RERE: variants seen among roughly 807,000 people sequenced by gnomAD.
RERE encodes arginine-glutamic acid dipeptide repeats, also known as arginine-glutamic acid dipeptide repeats protein.
A neutral mutation model predicts 146.1 loss-of-function variants in RERE; 40 were observed. That is an observed-to-expected ratio of 0.27 (90% CI 0.21 to 0.36). The LOEUF (loss-of-function observed/expected upper bound fraction) is 0.36, where lower values mean the gene tolerates loss of function less well. RERE is among the 10% of genes least tolerant of loss of function. RERE has a pLI of 1.00. For synonymous variants in RERE, 1,003 were observed against 866.0 expected (o/e 1.16, Z -2.78); for missense variants, 1,933 against 2,138.7 (o/e 0.90, Z 1.90).
chr1:8,722,408 C>T (rs937275485), intron 1 of RERE, among the ~76,000 whole-genome samples: 1 of 152,206 alleles, frequency 6.6e-6, no homozygotes, highest in East Asian at 1.9e-4. Flanking sequence ...ACACCAGGTA[C>T]TGCTGTAAGT....
chr1:8,357,760 A>C (rs1175083523), intron 20 of RERE, among the ~76,000 whole-genome samples: 14 of 152,224 alleles, frequency 9.2e-5, no homozygotes, highest in South Asian at 2.1e-4. Flanking sequence ...AGCCAGCAGG[A>C]GGCCTGCCCA....
chr1:8,816,999 G>A (rs1001789158), intron 1 of RERE, among the ~76,000 whole-genome samples, 161 bp downstream of exon 1: 35 of 152,274 alleles, frequency 2.3e-4, no homozygotes, highest in African/African-American at 7.0e-4. Flanking sequence ...GAAGTGCCCT[G>A]CCCTCGCCCG....
chr1:8,696,527 T>A (rs1302717408), intron 1 of RERE, among the ~76,000 whole-genome samples: 1 of 152,104 alleles, frequency 6.6e-6, no homozygotes, highest in African/African-American at 2.4e-5. Flanking sequence ...GGCAAAAGAA[T>A]CGCTTGCACC....
chr1:8,365,070 G>T (rs961899548), intron 13 of RERE, among the ~76,000 whole-genome samples: 1 of 152,178 alleles, frequency 6.6e-6, no homozygotes, highest in Non-Finnish European at 1.5e-5. Flanking sequence ...TGTGTGAGGC[G>T]CCATACCCAA....
At chr1:8,565,441 G>A (rs1236917010) in intron 4 of RERE, among the ~76,000 whole-genome samples, 5 of 152,122 alleles carry the variant, frequency 3.3e-5, no homozygotes, top group East Asian at 1.9e-4. Context: ...GCACCGTGGC[G>A]CATGCCTGGA....
At chr1:8,378,111 T>A (rs189163697) in intron 12 of RERE, among the ~76,000 whole-genome samples, 2 of 152,338 alleles carry the variant, frequency 1.3e-5, no homozygotes, top group Admixed American at 1.3e-4. Context: ...GTACTTAATT[T>A]TCTCACTGCA....
chr1:8,408,614 T>C (rs1169025600), intron 12 of RERE, among the ~76,000 whole-genome samples: 1 of 151,966 alleles, frequency 6.6e-6, no homozygotes, highest in Non-Finnish European at 1.5e-5. Flanking sequence ...AGGGCAGAGT[T>C]AAGGAAATAA....
chr1:8,664,257 C>A (rs1378988530), intron 1 of RERE, among the ~76,000 whole-genome samples: 5 of 152,208 alleles, frequency 3.3e-5, no homozygotes, highest in Non-Finnish European at 7.3e-5. Context: ...TTTCCTTTCA[C>A]TTTCTAGACA....
intron 7 of RERE, among the ~76,000 whole-genome samples, chr1:8,512,272 A>T (rs1227269498): frequency 6.6e-6 from 1 of 151,136 alleles, no homozygotes; most frequent in East Asian, 1.9e-4. Context: ...TGACCTCATG[A>T]TCCACCCGCC....
At chr1:8,514,508 T>C (rs1219481533) in intron 7 of RERE, among the ~76,000 whole-genome samples, 1 of 152,058 alleles carries the variant, frequency 6.6e-6, no homozygotes, top group African/African-American at 2.4e-5. Flanking sequence ...GGCAGGTGGA[T>C]CACCTGAGGT....
At chr1:8,626,670 C>A (rs1646976886) in intron 2 of RERE, among the ~76,000 whole-genome samples, 1 of 152,170 alleles carries the variant, frequency 6.6e-6, no homozygotes, top group Non-Finnish European at 1.5e-5. Flanking sequence ...CATTCCAACC[C>A]CACAATAAAC....
chr1:8,679,960 A>G (rs147699885), intron 1 of RERE, among the ~76,000 whole-genome samples: 2,035 of 152,292 alleles, frequency 0.013, 18 homozygotes, highest in Middle Eastern at 0.024. Context: ...GATGTTTTAT[A>G]AAATTCTCTA....
intron 1 of RERE, among the ~76,000 whole-genome samples, chr1:8,673,942 T>C (rs545153794): frequency 6.6e-6 from 1 of 152,230 alleles, no homozygotes; most frequent in African/African-American, 2.4e-5. Context: ...CTGAGGTGGG[T>C]GGCTCACTTG....
At chr1:8,728,907 C>T (rs1640025697) in intron 1 of RERE, among the ~76,000 whole-genome samples, 1 of 152,166 alleles carries the variant, frequency 6.6e-6, no homozygotes, top group South Asian at 2.1e-4. Flanking sequence ...TGGCTCATGC[C>T]TGTAATCCCA....
At chr1:8,489,975 G>A (rs1417284603) in intron 10 of RERE, among the ~76,000 whole-genome samples, 4 of 151,804 alleles carry the variant, frequency 2.6e-5, no homozygotes, top group Admixed American at 6.6e-5. Context: ...GCGTGAACCC[G>A]GGAGGCAGAG....
intron 1 of RERE, among the ~76,000 whole-genome samples, chr1:8,668,600 T>C (rs1273976742): frequency 1.3e-5 from 2 of 152,130 alleles, no homozygotes; most frequent in Admixed American, 1.3e-4. Context: ...AAGTGTAGTA[T>C]ACATACACAC....
At chr1:8,754,514 G>A (rs1365964675) in intron 1 of RERE, among the ~76,000 whole-genome samples, 1 of 152,206 alleles carries the variant, frequency 6.6e-6, no homozygotes, top group Non-Finnish European at 1.5e-5. Flanking sequence ...TTTCAGAGCT[G>A]TCTCAATGCT....
At chr1:8,404,080 C>T (rs926528843) in intron 12 of RERE, among the ~76,000 whole-genome samples, 2 of 151,778 alleles carry the variant, frequency 1.3e-5, no homozygotes, top group Non-Finnish European at 2.9e-5. Context: ...CCGCCCGCCT[C>T]GGCCTCCCAG....
intron 4 of RERE, among the ~76,000 whole-genome samples, chr1:8,578,418 T>C (rs550409496): frequency 6.6e-6 from 1 of 152,278 alleles, no homozygotes; most frequent in South Asian, 2.1e-4. Flanking sequence ...ACTAAGGGTA[T>C]TACAAACGCA....
Sources: gnomAD v4.1 joint callset for allele counts (sites outside exome capture counted in the v4.1 genomes callset) on GRCh38, gnomAD v4.1.1 for gene constraint, MANE v1.5 for transcripts, NCBI Gene and HGNC (gene_info 2026-07-23, HGNC 2026-07-21) for gene names.